Variants in ACACA observed in about 807,000 individuals in gnomAD.
ACACA encodes the protein acetyl-CoA carboxylase 1.
Under a neutral mutation model 296.1 loss-of-function variants are expected in ACACA, and 103 were observed. That is an observed-to-expected ratio of 0.35 (90% confidence interval 0.30 to 0.41). The LOEUF (loss-of-function observed/expected upper bound fraction) is 0.41, where lower values mean the gene tolerates loss of function less well. Among genes scored for constraint, ACACA ranks in the 10% least tolerant of loss-of-function variants. The probability of loss-of-function intolerance (pLI) is 1.00; values close to 1 mark genes in which losing one functional copy is unlikely to be tolerated. For missense variants in ACACA, 1,554 were observed against 2,989.7 expected, an observed-to-expected ratio of 0.52 and a Z score of 11.20; for synonymous variants, 953 against 1,038.6, an observed-to-expected ratio of 0.92 and a Z score of 1.58.
chr17:37,319,957 T>A (rs889050551), intron 3 of ACACA, among the ~76,000 whole-genome samples: 9 of 149,970 alleles, frequency 6.0e-5, no homozygotes, highest in Middle Eastern at 3.5e-3. Flanking sequence ...TCTCAAAAAA[T>A]AAATAAATAA....
At chr17:37,342,237 G>A (rs1714998) in intron 1 of ACACA, among the ~76,000 whole-genome samples, 2 of 150,352 alleles carry the variant, frequency 1.3e-5, no homozygotes, top group African/African-American at 2.4e-5. Flanking sequence ...GTGAAACCCC[G>A]CCTCTACTAA....
chr17:37,299,446 G>A, intron 3 of ACACA: 1 of 1,587,344 alleles, frequency 6.3e-7, no homozygotes, highest in South Asian at 1.1e-5. Context: ...AAGAGATACT[G>A]TGCCTTCTGC....
chr17:37,394,245 C>T (rs1189914314), intron 1 of ACACA, among the ~76,000 whole-genome samples: 1 of 150,440 alleles, frequency 6.6e-6, no homozygotes, highest in African/African-American at 2.5e-5. Context: ...CAGTTTCGCT[C>T]TGTTGCCCAG....
rs1035940346 is a variant in ACACA, at chr17:37,358,869, T to C, written c.39-19019A>G. The C allele has an allele frequency of 8.3e-6, 7 of 842,756 alleles. No individual in the cohort carries two copies. The East Asian group carries it at 3.7e-4, about 44-fold the overall frequency. The allele number at this position is 842,756 out of a possible 1,614,324, so 52.2% of individuals were successfully genotyped here. On this transcript the variant is annotated intron_variant, in intron 1 of 55. Coordinates refer to ENST00000616317, the MANE Select transcript of ACACA (RefSeq NM_198834.3). Reference sequence around the variant, plus strand: ...TGGGCTGCCCCGCACCCGATCTGGATAGTGTGGAGCCCAGGCCGCGTGCGG... The same window carrying C: ...TGGGCTGCCCCGCACCCGATCTGGACAGTGTGGAGCCCAGGCCGCGTGCGG...
chr17:37,112,106 C>CA (rs1251534158), intron 51 of ACACA, among the ~76,000 whole-genome samples: 5 of 151,874 alleles, frequency 3.3e-5, no homozygotes, highest in Non-Finnish European at 5.9e-5. Context: ...CCACAGCTGT[C>CA]AGTCTGCTTG....
At chr17:37,159,582 T>C (rs185578135) in intron 42 of ACACA, among the ~76,000 whole-genome samples, 74 of 152,282 alleles carry the variant, frequency 4.9e-4, no homozygotes, top group Admixed American at 1.7e-3. Context: ...TTACCACTAA[T>C]TCCAGAATAT....
chr17:37,200,302 T>G lies in ACACA; in HGVS notation c.4114-119A>C, dbSNP rs1452470377. On this transcript the variant is annotated intron_variant, in intron 34 of 55. Transcript: ENST00000616317. ...AACTAATGTTTTTTAAAAATGAAAC[T>G]TACAGAAAAGTGGTTATTTCTCTGC... 3 of 1,376,100 alleles carry G rather than the reference T, an allele frequency of 2.2e-6. No homozygotes were observed. In the East Asian group the frequency reaches 6.9e-5, roughly 32 times the overall value. The allele number at this position is 1,376,100 out of a possible 1,614,324, so 85.2% of individuals were successfully genotyped here. A position where few individuals can be genotyped will look rare whatever the true frequency, so the allele number is the denominator to read the frequency against.
intron 11 of ACACA, among the ~76,000 whole-genome samples, chr17:37,262,254 C>T (rs1163540248): frequency 1.3e-5 from 2 of 152,184 alleles, no homozygotes; most frequent in Admixed American, 6.5e-5. Flanking sequence ...CAATTCCTAA[C>T]ATCCTTTGTG....
At chr17:37,306,601 T>G (rs1304467889) in intron 3 of ACACA, among the ~76,000 whole-genome samples, 1 of 152,130 alleles carries the variant, frequency 6.6e-6, no homozygotes, top group Non-Finnish European at 1.5e-5. Context: ...CATTGATCAG[T>G]CTTGTTTACT....
rs143118861 is a variant in ACACA, at chr17:37,189,418, C to T, written c.4573-938G>A. 6.6e-3 allele frequency among the ~76,000 whole-genome samples: 1,012 copies of T among 152,202 alleles called. 3 individuals carry two copies. Among genetic ancestry groups the T allele is most frequent in the Non-Finnish European group, 0.011 (777 of 68,022 alleles). ...CCACCCTTGCAGTTTGTTTCTGCACCACAAAATTTTAAGTTAGAATGAATT... is the reference window on the plus strand; with the variant it reads ...CCACCCTTGCAGTTTGTTTCTGCACTACAAAATTTTAAGTTAGAATGAATT... On this transcript the variant is annotated intron_variant, in intron 38 of 55. Coordinates refer to ENST00000616317, the MANE Select transcript of ACACA (RefSeq NM_198834.3).
chr17:37,391,501 A>C (rs1035648943), intron 1 of ACACA: 9 of 694,356 alleles, frequency 1.3e-5, no homozygotes, highest in African/African-American at 1.1e-4. Context: ...ATACTTTCTC[A>C]GTGTAATTAT....
intron 14 of ACACA, among the ~76,000 whole-genome samples, chr17:37,256,028 T>G (rs2081211787): frequency 6.6e-6 from 1 of 152,202 alleles, no homozygotes; most frequent in Non-Finnish European, 1.5e-5. Flanking sequence ...ATTACAGGTG[T>G]GAGCCACCGT....
At position 37,253,078 on chromosome 17, in the gene ACACA, T is replaced by C. The variant is rs559437784; in HGVS notation, c.1827-42A>G. 8 of 1,613,988 alleles carry C rather than the reference T, an allele frequency of 5.0e-6. No homozygotes were observed. The African/African-American group carries it at 9.3e-5, about 19-fold the overall frequency. On this transcript the variant is annotated intron_variant, in intron 14 of 55. Transcript: ENST00000616317. ...CAATCTGTTTCAGCAACAAACACTT[T>C]AATGTTTTTCAATAATTTTAAAGAT... is the stretch of plus-strand genomic sequence containing the variant.
At chr17:37,293,539 C>CTTTT (rs58534025) in intron 3 of ACACA, among the ~76,000 whole-genome samples, 47 of 124,592 alleles carry the variant, frequency 3.8e-4, no homozygotes, top group African/African-American at 4.8e-4. Context: ...AATTTTAGGA[C>CTTTT]TTTTTTTTTT....
At chr17:37,105,721 G>A (rs984203328) in intron 52 of ACACA, among the ~76,000 whole-genome samples, 4 of 150,286 alleles carry the variant, frequency 2.7e-5, no homozygotes, top group Non-Finnish European at 4.4e-5. Context: ...AAAATTAGTC[G>A]GGCATGGTGG....
chr17:37,207,627 T>A, intron 31 of ACACA, 30 bp downstream of exon 31: 1 of 1,613,318 alleles, frequency 6.2e-7, no homozygotes, highest in East Asian at 2.2e-5. Context: ...ATGGCTCCCC[T>A]TGTACAGACA....
chr17:37,152,119 T>G (rs1432678915), intron 43 of ACACA, among the ~76,000 whole-genome samples: 3 of 152,146 alleles, frequency 2.0e-5, no homozygotes, highest in Non-Finnish European at 4.4e-5. Context: ...AAATCCTTGC[T>G]CTGATACACA....
In ACACA at chr17:37,113,342, C is replaced by T. The variant is rs1005353897; in HGVS notation, c.6275-77G>A. 3.7e-5 allele frequency: 55 copies of T among 1,493,068 alleles called. No individual in the cohort carries two copies. Among genetic ancestry groups the T allele is most frequent in the African/African-American group, 1.4e-4 (10 of 72,420 alleles). The allele number at this position is 1,493,068 out of a possible 1,614,324, so 92.5% of individuals were successfully genotyped here. ...AGTACTTTTAAACACTGTTCAGGAC[C>T]TCTGGCCACGAAGAGCCTCCTTATA... On this transcript the variant is annotated intron_variant, in intron 50 of 55. Coordinates refer to ENST00000616317, the MANE Select transcript of ACACA (RefSeq NM_198834.3). This position sits in a 1 kb window ranked among gnomAD's most constrained non-coding sequence, Gnocchi z 4.0.
chr17:37,088,672 T>C (rs1451865364), intron 55 of ACACA, among the ~76,000 whole-genome samples: 1 of 152,052 alleles, frequency 6.6e-6, no homozygotes, highest in Non-Finnish European at 1.5e-5. Context: ...CCGGTTTGAG[T>C]ATCAGCATTC....
Sources: gnomAD v4.1 joint callset for allele counts (sites outside exome capture counted in the v4.1 genomes callset) on GRCh38, gnomAD v4.1.1 for gene constraint, Gnocchi (gnomAD v3.1) non-coding constraint, MANE v1.5 for transcripts, NCBI Gene and HGNC (gene_info 2026-07-23, HGNC 2026-07-21) for gene names.